Variants in STX8 observed in about 807,000 individuals in gnomAD.
The protein encoded by STX8 is syntaxin 8, also known as syntaxin-8.
STX8 carries 23 observed loss-of-function variants against 37.5 expected under a neutral mutation model. That is an observed-to-expected ratio of 0.61 (90% CI 0.44 to 0.87). The LOEUF is 0.87. Among genes scored for constraint, STX8 ranks in the 40% least tolerant of loss-of-function variants. The pLI, the probability that STX8 is intolerant of heterozygous loss-of-function variation, is 0.00. For synonymous variants in STX8, 115 were observed against 99.1 expected (o/e 1.16, Z -0.95); for missense variants, 313 against 284.7 (o/e 1.10, Z -0.71).
chr17:9,310,962 G>C (rs2142190926), intron 7 of STX8, among the ~76,000 whole-genome samples: 1 of 152,232 alleles, frequency 6.6e-6, no homozygotes, highest in African/African-American at 2.4e-5. Flanking sequence ...GAGTCGGCCG[G>C]GTGCAATGGC....
At chr17:9,461,940 T>C (rs561328808) in intron 6 of STX8, among the ~76,000 whole-genome samples, 40 of 152,162 alleles carry the variant, frequency 2.6e-4, no homozygotes, top group Non-Finnish European at 5.3e-4. Flanking sequence ...CAGTTCACAA[T>C]AGGGTTCACG....
intron 6 of STX8, among the ~76,000 whole-genome samples, chr17:9,380,832 G>A (rs1401950064): frequency 6.7e-6 from 1 of 149,008 alleles, no homozygotes; most frequent in Non-Finnish European, 1.5e-5. Flanking sequence ...TTCCGCATCA[G>A]CCTTCCAAGT....
chr17:9,375,772 C>A (rs533986709), intron 7 of STX8, among the ~76,000 whole-genome samples: 2 of 152,156 alleles, frequency 1.3e-5, no homozygotes, highest in Non-Finnish European at 2.9e-5. Flanking sequence ...ATTACATACA[C>A]GCAATCATTT....
intron 7 of STX8, among the ~76,000 whole-genome samples, chr17:9,315,079 C>T (rs1283807547): frequency 4.4e-5 from 6 of 136,748 alleles, no homozygotes; most frequent in Non-Finnish European, 6.2e-5. Flanking sequence ...TCCAGCCTGG[C>T]GACAACGTGA....
chr17:9,413,144 C>T (rs1913039111), intron 6 of STX8, among the ~76,000 whole-genome samples: 1 of 152,140 alleles, frequency 6.6e-6, no homozygotes, highest in South Asian at 2.1e-4. Context: ...TGAGATGTAA[C>T]AGGGAGCTGA....
intron 7 of STX8, among the ~76,000 whole-genome samples, chr17:9,300,607 G>A (rs2142176656): frequency 6.6e-6 from 1 of 152,066 alleles, no homozygotes; most frequent in South Asian, 2.1e-4. Context: ...AGTGTTATAT[G>A]AGAATACAAT....
At position 9,437,186 on chromosome 17, in the gene STX8, G is replaced by A. The variant is rs563967734; in HGVS notation, c.541+54643C>T. 3.9e-5 allele frequency among the ~76,000 whole-genome samples: 6 copies of A among 152,202 alleles called. No individual in the cohort carries two copies. The South Asian group carries it at 8.3e-4, about 21-fold the overall frequency. ...AAAGTATTCATCAATAGCAAATATC[G>A]CGTTGCTTAAATATTCCATTACTCG... On this transcript the variant is annotated intron_variant, in intron 6 of 7. Transcript: ENST00000306357.
intron 4 of STX8, among the ~76,000 whole-genome samples, chr17:9,535,761 TAG>T (rs77388564): frequency 0.022 from 3,341 of 152,254 alleles, 40 homozygotes; most frequent in Non-Finnish European, 0.033. Context: ...AGAACTCACC[TAG>T]AGATATACTT....
intron 7 of STX8, among the ~76,000 whole-genome samples, chr17:9,256,539 C>T (rs1311981875): frequency 6.6e-6 from 1 of 152,212 alleles, no homozygotes; most frequent in African/African-American, 2.4e-5. Context: ...TTTATGCAAA[C>T]CCTCACCTGC....
At chr17:9,431,033 T>C (rs1913947677) in intron 6 of STX8, among the ~76,000 whole-genome samples, 2 of 150,616 alleles carry the variant, frequency 1.3e-5, no homozygotes, top group Non-Finnish European at 3.0e-5. Context: ...TTTTGGTTTT[T>C]TTTTAGTAGA....
chr17:9,308,782 G>A (rs1597596617), intron 7 of STX8, among the ~76,000 whole-genome samples: 1 of 151,222 alleles, frequency 6.6e-6, no homozygotes, highest in African/African-American at 2.4e-5. Context: ...GGGCAGAAAG[G>A]GAAGCAGGAG....
At chr17:9,558,031 G>A (rs1414560488) in intron 2 of STX8, among the ~76,000 whole-genome samples, 1 of 152,158 alleles carries the variant, frequency 6.6e-6, no homozygotes. Context: ...ACGTTTTACG[G>A]CAATGTGTTC....
intron 6 of STX8, chr17:9,469,900 C>T (rs1334347825): frequency 2.0e-5 from 3 of 152,166 alleles, no homozygotes; most frequent in Non-Finnish European, 4.4e-5. Context: ...ACAGAAACAC[C>T]TTGGAGGGTC....
chr17:9,280,382 C>T (rs765311138), intron 7 of STX8, among the ~76,000 whole-genome samples: 4 of 152,138 alleles, frequency 2.6e-5, no homozygotes, highest in Admixed American at 6.5e-5. Flanking sequence ...CGTCAAACCC[C>T]GTTGCTATTA....
intron 6 of STX8, among the ~76,000 whole-genome samples, chr17:9,428,262 G>A (rs1283581347): frequency 7.2e-5 from 11 of 152,156 alleles, no homozygotes; most frequent in African/African-American, 2.7e-4. Flanking sequence ...TTTGTTTTGA[G>A]ATGGAGTCTC....
intron 6 of STX8, among the ~76,000 whole-genome samples, chr17:9,419,197 G>C (rs1033347277): frequency 6.6e-6 from 1 of 152,000 alleles, no homozygotes; most frequent in Non-Finnish European, 1.5e-5. Flanking sequence ...AAAGTCCTGG[G>C]AGTAGAGGTG....
chr17:9,510,219 G>A (rs944004725), intron 4 of STX8, among the ~76,000 whole-genome samples: 5 of 152,120 alleles, frequency 3.3e-5, no homozygotes, highest in Non-Finnish European at 7.4e-5. Flanking sequence ...GCATTGGACA[G>A]ATCATTCAGA....
At chr17:9,445,438 G>A (rs538662807) in intron 6 of STX8, among the ~76,000 whole-genome samples, 1 of 143,772 alleles carries the variant, frequency 7.0e-6, no homozygotes, top group African/African-American at 2.6e-5. Context: ...GTCTCAGAAA[G>A]AAGAATGGCA....
chr17:9,274,897 T>C (rs570379910), intron 7 of STX8, among the ~76,000 whole-genome samples: 27 of 150,976 alleles, frequency 1.8e-4, no homozygotes, highest in African/African-American at 5.6e-4. Context: ...ACTACAGGCA[T>C]GCACCACCAT....
Sources: allele counts gnomAD v4.1 joint callset (sites outside exome capture counted in the v4.1 genomes callset), GRCh38; gene constraint gnomAD v4.1.1; transcripts MANE v1.5; gene names NCBI Gene and HGNC (gene_info 2026-07-23, HGNC 2026-07-21).